Variants in PRPF8 observed in about 807,000 individuals in gnomAD.
The protein encoded by PRPF8 is pre-mRNA-processing-splicing factor 8.
In PRPF8, 64 loss-of-function variants were observed where a neutral mutation model predicts 285.9. The observed-to-expected ratio is 0.22, with a 90% CI of 0.18 to 0.28. The LOEUF is 0.28. Ranked by LOEUF, PRPF8 falls within the 10% of genes least tolerant of loss-of-function variation. The pLI is 1.00. For synonymous variants in PRPF8, 1,325 were observed against 1,118.2 expected, an observed-to-expected ratio of 1.18 and a Z score of -3.69; for missense variants, 1,426 against 3,026.7, an observed-to-expected ratio of 0.47 and a Z score of 12.41.
chr17:1,658,499 C>T lies in PRPF8; in HGVS notation c.5376+27G>A. ...TCCCACAGCCATGTACAGAGTCCCG[C>T]ACCTATACACTGCTGCTAACACTCA... On this transcript the variant is annotated intron_variant, in intron 33 of 42. Transcript: ENST00000304992. The surrounding 1 kb of genome is among the most constrained non-coding windows in gnomAD (Gnocchi z 4.1). 6.2e-7 allele frequency: 1 copy of T among 1,611,056 alleles called. No individual in the cohort carries two copies. Among genetic ancestry groups the T allele is most frequent in the Non-Finnish European group, 8.5e-7 (1 of 1,177,240 alleles).
In PRPF8 at chr17:1,669,325, T is replaced by C. The variant is rs113245947; in HGVS notation, c.3774+3756A>G. On this transcript the variant is annotated intron_variant, in intron 24 of 42. Coordinates refer to ENST00000304992, the MANE Select transcript of PRPF8 (RefSeq NM_006445.4). ...TTTCACCATGTTGGCCAGGCTGGTC[T>C]CGAACTCCTGACTTGGTGATTCACC... Among the ~76,000 whole-genome samples, 134 of 152,310 alleles carry C rather than the reference T, an allele frequency of 8.8e-4. 1 individual carries two copies. The highest frequency in any genetic ancestry group is 3.0e-3 in the African/African-American group (125 of 41,576).
chr17:1,666,449 G>C (rs1246790061), intron 24 of PRPF8, among the ~76,000 whole-genome samples: 3 of 151,838 alleles, frequency 2.0e-5, no homozygotes, highest in South Asian at 2.1e-4. Context: ...TACTTGGGAG[G>C]CTAAGGTGGG....
Position 1,676,583 on chromosome 17 carries a change from A to G in PRPF8, c.2310T>C (p.Thr770=), listed in dbSNP as rs1912610919. Residue 770 remains threonine (T), a synonymous_variant, in exon 16 of 43, where the codon ACT becomes ACC. Coordinates refer to ENST00000304992, the MANE Select transcript of PRPF8 (RefSeq NM_006445.4). This position sits in a 1 kb window ranked among gnomAD's most constrained non-coding sequence, Gnocchi z 6.3. Reference sequence around the variant, plus strand: ...GGCGGCCCAGATTCTTTTTACAAACAGTCTTGTCCACAGTGGCCCCTCGGC... The same window carrying G: ...GGCGGCCCAGATTCTTTTTACAAACGGTCTTGTCCACAGTGGCCCCTCGGC... The part of the protein sequence containing the change: ...RIRRGATVDK[T]VCKKNLGRLT... 1 of 1,613,912 alleles carries G rather than the reference A, an allele frequency of 6.2e-7. No homozygotes were observed. The highest frequency in any genetic ancestry group is 8.5e-7 in the Non-Finnish European group (1 of 1,179,994).
intron 1 of PRPF8, 88 bp downstream of exon 1, chr17:1,684,692 T>C (rs944149893): frequency 3.0e-6 from 3 of 1,010,916 alleles, no homozygotes; most frequent in African/African-American, 1.6e-5. Flanking sequence ...ACACAGTGCA[T>C]CCAGCCCCGC....
At chr17:1,656,286 A>C in intron 36 of PRPF8, 106 bp downstream of exon 36, 1 of 1,401,370 alleles carries the variant, frequency 7.1e-7, no homozygotes, top group South Asian at 1.2e-5. Context: ...GTTCCCACCC[A>C]ATCTATAGGC....
chr17:1,654,078 T>C (rs1016347557), intron 37 of PRPF8, 62 bp from the exon 38 acceptor site: 4 of 1,612,736 alleles, frequency 2.5e-6, no homozygotes, highest in South Asian at 1.1e-5. Context: ...TCTGCCTCAA[T>C]GGAAAGGGTG....
chr17:1,684,725 TCGGCCCGACCCGACCACGCCTCCCG>T, intron 1 of PRPF8, 30 bp downstream of exon 1: 1 of 765,646 alleles, frequency 1.3e-6, no homozygotes, highest in Non-Finnish European at 2.2e-6. Context: ...CTTCGGTCAC[TCGGCCCGACCCGACCACGCCTCCCG>T]CAGCCCGGCC....
intron 37 of PRPF8, 156 bp from the exon 38 acceptor site, chr17:1,654,172 G>A (rs1911225505): frequency 2.8e-6 from 3 of 1,085,836 alleles, no homozygotes; most frequent in African/African-American, 1.5e-5. Context: ...AAACGGAGGT[G>A]CACTAACACT....
At chr17:1,681,457 T>C (rs1912919566) in intron 6 of PRPF8, 21 bp downstream of exon 6, 1 of 1,545,582 alleles carries the variant, frequency 6.5e-7, no homozygotes, top group Non-Finnish European at 8.9e-7. Flanking sequence ...ATGTCTAAAA[T>C]CCCTAATCTC....
At chr17:1,680,623 G>A in intron 8 of PRPF8, 103 bp downstream of exon 8, 1 of 1,076,482 alleles carries the variant, frequency 9.3e-7, no homozygotes, top group Non-Finnish European at 1.4e-6. Flanking sequence ...CACTTAGCAA[G>A]ACGGAAAACA....
rs200656353 is a variant in PRPF8 at position 1,679,563 on chromosome 17, C to T, written c.1289+46G>A. On this transcript the variant is annotated intron_variant, in intron 9 of 42. Transcript: ENST00000304992. The surrounding 1 kb of genome is among the most constrained non-coding windows in gnomAD (Gnocchi z 4.7). ...TGCCCACCTAGTTGGAGTCTTTTCT[C>T]CTACACATCCACTATCATTCCCCCT... 855 of 1,609,662 alleles carry T rather than the reference C, an allele frequency of 5.3e-4. 3 individuals are homozygous for T. The African/African-American group carries it at 0.01, about 19-fold the overall frequency.
At chr17:1,684,684 A>G in intron 1 of PRPF8, 96 bp downstream of exon 1, 1 of 1,077,348 alleles carries the variant, frequency 9.3e-7, no homozygotes, top group Non-Finnish European at 1.4e-6. Context: ...GTCCCGCCAC[A>G]CAGTGCATCC....
intron 24 of PRPF8, among the ~76,000 whole-genome samples, chr17:1,672,442 G>T (rs1192447678): frequency 6.6e-6 from 1 of 152,192 alleles, no homozygotes; most frequent in African/African-American, 2.4e-5. Context: ...ACCAGGCCCG[G>T]TTAATTTTTG....
At chr17:1,657,667 G>A (rs1001248010) in intron 34 of PRPF8, among the ~76,000 whole-genome samples, 10 of 143,230 alleles carry the variant, frequency 7.0e-5, no homozygotes, top group African/African-American at 2.6e-4. Flanking sequence ...AAAAAAAAGA[G>A]AATATGCATT....
rs373748235 is a variant in PRPF8, at chr17:1,658,768, G to A, written c.5139-5C>T. 50 of 1,613,184 alleles carry A rather than the reference G, an allele frequency of 3.1e-5. No homozygotes were observed. In the African/African-American group the frequency reaches 4.5e-4, roughly 15 times the overall value. On this transcript the variant is annotated splice_region_variant and splice_polypyrimidine_tract_variant and intron_variant, in intron 32 of 42. Coordinates refer to ENST00000304992, the MANE Select transcript of PRPF8 (RefSeq NM_006445.4). The surrounding 1 kb of genome is among the most constrained non-coding windows in gnomAD (Gnocchi z 4.1). Reference sequence around the variant, plus strand: ...GGGAACCAGTTTCCATAGGCACTGTGAGGATAAAAGGGTCAAGAAAAGTTA... The same window carrying A: ...GGGAACCAGTTTCCATAGGCACTGTAAGGATAAAAGGGTCAAGAAAAGTTA...
intron 24 of PRPF8, 136 bp downstream of exon 24, chr17:1,672,945 T>A: frequency 1.2e-6 from 1 of 837,762 alleles, no homozygotes; most frequent in Non-Finnish European, 2.1e-6. Context: ...TAAGCCACTA[T>A]GGCACAGAGC....
Position 1,684,801 on chromosome 17 carries a change from G to C in PRPF8, c.-33C>G. On this transcript the variant is annotated 5_prime_UTR_variant, in exon 1 of 43. Coordinates refer to ENST00000304992, the MANE Select transcript of PRPF8 (RefSeq NM_006445.4). Reference sequence around the variant, plus strand: ...GCACCCCACAGGCCCTCACACAAGAGGCCGCTTTCCCCGCAGCGCAATGGC... The same window carrying C: ...GCACCCCACAGGCCCTCACACAAGACGCCGCTTTCCCCGCAGCGCAATGGC... 3 of 599,370 alleles carry C rather than the reference G, an allele frequency of 5.0e-6. No homozygotes were observed. Among genetic ancestry groups the C allele is most frequent in the Admixed American group, 2.9e-5 (1 of 33,918 alleles). 37.1% of individuals were successfully genotyped at this position (599,370 alleles called of 1,614,324 possible). A position where few individuals can be genotyped will look rare whatever the true frequency, so the allele number is the denominator to read the frequency against.
chr17:1,680,879 C>T, intron 7 of PRPF8, 48 bp from the exon 8 acceptor site: 1 of 1,614,146 alleles, frequency 6.2e-7, no homozygotes, highest in Non-Finnish European at 8.5e-7. Flanking sequence ...CCTGGCCCAA[C>T]CTAAACAGCA....
chr17:1,659,605 A>G lies in PRPF8; in HGVS notation c.4947-57T>C. On this transcript the variant is annotated intron_variant, in intron 31 of 42. Transcript: ENST00000304992. This position sits in a 1 kb window ranked among gnomAD's most constrained non-coding sequence, Gnocchi z 5.1. ...AACCATGGGCATAACCAATGTCCCC[A>G]GAACCAGAACCACTTAAATCCCAAA... is the stretch of plus-strand genomic sequence containing the variant. The G allele has an allele frequency of 2.5e-6, 4 of 1,593,908 alleles. No homozygotes were observed. Among genetic ancestry groups the G allele is most frequent in the Non-Finnish European group, 3.4e-6 (4 of 1,163,148 alleles).
Sources: allele counts gnomAD v4.1 joint callset (sites outside exome capture counted in the v4.1 genomes callset), GRCh38; gene constraint gnomAD v4.1.1; non-coding constraint Gnocchi (gnomAD v3.1); transcripts MANE v1.5; gene names NCBI Gene and HGNC (gene_info 2026-07-23, HGNC 2026-07-21).